OTUD7A: variants seen among roughly 807,000 people sequenced by gnomAD.
OTUD7A encodes the protein OTU domain-containing protein 7A.
A neutral mutation model predicts 65.7 loss-of-function variants in OTUD7A; 12 were observed. The observed-to-expected ratio is 0.18, with a 90% CI of 0.12 to 0.30. The LOEUF (loss-of-function observed/expected upper bound fraction) is 0.30. OTUD7A is among the 10% of genes least tolerant of loss of function. The probability of loss-of-function intolerance (pLI) is 1.00; values close to 1 mark genes in which losing one functional copy is unlikely to be tolerated. For missense variants in OTUD7A, 1,148 were observed against 1,304.8 expected, an observed-to-expected ratio of 0.88 and a Z score of 1.85; for synonymous variants, 641 against 586.3, an observed-to-expected ratio of 1.09 and a Z score of -1.35.
At chr15:31,780,134 G>C (rs1895498449) in intron 1 of OTUD7A, among the ~76,000 whole-genome samples, 1 of 152,160 alleles carries the variant, frequency 6.6e-6, no homozygotes, top group Non-Finnish European at 1.5e-5. Context: ...TCTTTCTGTA[G>C]TATCTGCCCC....
At chr15:31,640,170 C>T (rs922627352) in intron 3 of OTUD7A, among the ~76,000 whole-genome samples, 2 of 152,044 alleles carry the variant, frequency 1.3e-5, no homozygotes, top group African/African-American at 4.8e-5. Flanking sequence ...AGTGAAGTAA[C>T]TCAGGAATGG....
intron 3 of OTUD7A, among the ~76,000 whole-genome samples, chr15:31,649,478 C>T (rs1205111839): frequency 6.6e-6 from 1 of 152,156 alleles, no homozygotes; most frequent in Non-Finnish European, 1.5e-5. Context: ...TCAGCTTTTG[C>T]CACCATGAGG....
At chr15:31,539,833 T>A (rs1566910484) in intron 5 of OTUD7A, among the ~76,000 whole-genome samples, 1 of 152,204 alleles carries the variant, frequency 6.6e-6, no homozygotes, top group African/African-American at 2.4e-5. Context: ...TGATTTTTGG[T>A]GCAAGATATA....
At position 31,482,748 on chromosome 15, in the gene OTUD7A, G is replaced by A. The variant is rs2041146150; in HGVS notation, c.*546C>T. The stretch of plus-strand genomic sequence containing the variant: ...TTCTAAAGGGCCACAGTGACCACCA[G>A]GGCGTCAGCTGGCGGCCAGGTACCC... On this transcript the variant is annotated 3_prime_UTR_variant, in exon 13 of 13. Transcript: ENST00000307050. 1 of 152,194 alleles carries A rather than the reference G, an allele frequency of 6.6e-6. No homozygotes were observed. Among genetic ancestry groups the A allele is most frequent in the African/African-American group, 2.4e-5 (1 of 41,432 alleles). 9.4% of individuals were successfully genotyped at this position (152,194 alleles called of 1,614,324 possible).
chr15:31,799,944 G>A (rs1203578413), intron 1 of OTUD7A, among the ~76,000 whole-genome samples: 5 of 152,076 alleles, frequency 3.3e-5, no homozygotes, highest in Non-Finnish European at 5.9e-5. Flanking sequence ...CTTTTCTTCA[G>A]GTGAATGGGG....
chr15:31,860,395 T>C (rs982834648), intron 1 of OTUD7A, among the ~76,000 whole-genome samples: 1 of 151,796 alleles, frequency 6.6e-6, no homozygotes, highest in Admixed American at 6.6e-5. Context: ...CGAGAAAAAA[T>C]GATTAAATTT....
chr15:31,662,175 T>TTGCGTATAC (rs1253362284), intron 1 of OTUD7A, among the ~76,000 whole-genome samples: 1 of 152,156 alleles, frequency 6.6e-6, no homozygotes, highest in Non-Finnish European at 1.5e-5. Flanking sequence ...TCAAGAGGGG[T>TTGCGTATAC]TGCGTATACT....
intron 5 of OTUD7A, among the ~76,000 whole-genome samples, chr15:31,535,852 A>AT (rs35961130): frequency 0.099 from 14,763 of 149,332 alleles, 788 homozygotes; most frequent in Middle Eastern, 0.13. Flanking sequence ...AATTTTTTGT[A>AT]TTTTTTTTTA....
At chr15:31,829,554 C>T (rs1251162343) in intron 1 of OTUD7A, among the ~76,000 whole-genome samples, 2 of 152,206 alleles carry the variant, frequency 1.3e-5, no homozygotes, top group Non-Finnish European at 2.9e-5. Flanking sequence ...CCAACCTTCA[C>T]CATGTGCAGA....
chr15:31,524,751 T>C (rs1031202792), intron 8 of OTUD7A, among the ~76,000 whole-genome samples: 1 of 152,182 alleles, frequency 6.6e-6, no homozygotes, highest in African/African-American at 2.4e-5. Flanking sequence ...CTATCCTACA[T>C]AAATGGGACA....
intron 10 of OTUD7A, among the ~76,000 whole-genome samples, chr15:31,495,220 C>T (rs144754189): frequency 6.6e-6 from 1 of 152,352 alleles, no homozygotes; most frequent in East Asian, 1.9e-4. Flanking sequence ...GCTGGCATCC[C>T]TTTGGAACAG....
intron 1 of OTUD7A, among the ~76,000 whole-genome samples, chr15:31,763,176 G>C (rs1177440685): frequency 3.9e-5 from 6 of 152,048 alleles, no homozygotes; most frequent in Admixed American, 2.0e-4. Flanking sequence ...CCAGCTACTG[G>C]GGAGGCTGAG....
chr15:31,531,520 C>CAAAAAAAAA lies in OTUD7A; in HGVS notation c.551-721_551-713dup, dbSNP rs60332452. On this transcript the variant is annotated intron_variant, in intron 5 of 12. Transcript: ENST00000307050. ...AAAACGAACCAATGAGAGTAGGCCA[C>CAAAAAAAAA]AAAAAAAAAAAAAAAAAAAAAGATA... Among the ~76,000 whole-genome samples, 204 of 80,038 alleles carry CAAAAAAAAA rather than the reference C, an allele frequency of 2.5e-3. 3 individuals are homozygous for CAAAAAAAAA. The highest frequency in any genetic ancestry group is 7.4e-3 in the African/African-American group (176 of 23,886). 52.5% of individuals were successfully genotyped at this position (80,038 alleles called of 152,430 possible). A position where few individuals can be genotyped will look rare whatever the true frequency, so the allele number is the denominator to read the frequency against.
intron 1 of OTUD7A, among the ~76,000 whole-genome samples, chr15:31,773,900 A>G (rs1249078513): frequency 6.6e-6 from 1 of 152,262 alleles, no homozygotes; most frequent in Non-Finnish European, 1.5e-5. Flanking sequence ...ATCGACTCAC[A>G]ATCTGTTGAC....
intron 4 of OTUD7A, among the ~76,000 whole-genome samples, chr15:31,564,594 A>G (rs2141165550): frequency 6.6e-6 from 1 of 152,120 alleles, no homozygotes; most frequent in South Asian, 2.1e-4. Context: ...TAGGAAGAAA[A>G]CCAAAATAAT....
intron 1 of OTUD7A, among the ~76,000 whole-genome samples, chr15:31,868,213 A>G (rs1897930223): frequency 6.6e-6 from 1 of 152,236 alleles, no homozygotes; most frequent in East Asian, 1.9e-4. Flanking sequence ...CACTCTAAAC[A>G]TACAAGCGGG....
At position 31,567,298 on chromosome 15, in the gene OTUD7A, T is replaced by G. The variant is rs80147210; in HGVS notation, c.331+2720A>C. Among the ~76,000 whole-genome samples, 1,142 of 152,344 alleles carry G rather than the reference T, an allele frequency of 7.5e-3. 11 individuals carry two copies. Among genetic ancestry groups the G allele is most frequent in the East Asian group, 0.047 (244 of 5,182 alleles). ...AAAGAGCTCAGCTGCATTCTGTTCA[T>G]ACCCTAGGGATCTGTGGAAGTCTGA... is the stretch of plus-strand genomic sequence containing the variant. On this transcript the variant is annotated intron_variant, in intron 4 of 12. Transcript: ENST00000307050.
intron 1 of OTUD7A, among the ~76,000 whole-genome samples, chr15:31,680,813 T>C (rs1376133073): frequency 6.6e-6 from 1 of 152,040 alleles, no homozygotes; most frequent in African/African-American, 2.4e-5. Flanking sequence ...GGCTGGAGAA[T>C]CCATGCAGGC....
chr15:31,616,076 C>T (rs1048364606), intron 3 of OTUD7A, among the ~76,000 whole-genome samples: 7 of 152,214 alleles, frequency 4.6e-5, no homozygotes, highest in South Asian at 4.1e-4. Context: ...TGTAATAAAG[C>T]GGTGAAACCT....
Sources: gnomAD v4.1 joint callset for allele counts (sites outside exome capture counted in the v4.1 genomes callset) on GRCh38, gnomAD v4.1.1 for gene constraint, MANE v1.5 for transcripts, NCBI Gene and HGNC (gene_info 2026-07-23, HGNC 2026-07-21) for gene names.